Variants in PKHD1 observed in about 807,000 individuals in gnomAD.
PKHD1 encodes the protein PKHD1 ciliary IPT domain containing fibrocystin/polyductin, also known as fibrocystin.
A neutral mutation model predicts 412.0 loss-of-function variants in PKHD1; 291 were observed. That is an observed-to-expected ratio of 0.71 (90% CI 0.64 to 0.78). The LOEUF (loss-of-function observed/expected upper bound fraction) is 0.78. Ranked by LOEUF, PKHD1 falls within the 30% of genes least tolerant of loss-of-function variation. The probability of loss-of-function intolerance (pLI) is 0.00; values close to 1 mark genes in which losing one functional copy is unlikely to be tolerated. For synonymous variants in PKHD1, 1,777 were observed against 1,821.5 expected (o/e 0.98, Z 0.62); for missense variants, 4,825 against 4,950.7 (o/e 0.97, Z 0.76).
rs540526402 is a variant in PKHD1, at chr6:52,023,004, C to A, written c.5237-60G>T. The A allele has an allele frequency of 3.8e-6, 6 of 1,596,664 alleles. 1 individual carries two copies. The highest frequency in any genetic ancestry group is 3.3e-4 in the Middle Eastern group (2 of 6,050). ...AGGCAAATCTCCCTTCTTTACTCAACTCAAAATTCAAACATTTGCTTCCTC... is the reference window on the plus strand; with the variant it reads ...AGGCAAATCTCCCTTCTTTACTCAAATCAAAATTCAAACATTTGCTTCCTC... On this transcript the variant is annotated intron_variant, in intron 32 of 66. Coordinates refer to ENST00000371117, the MANE Select transcript of PKHD1 (RefSeq NM_138694.4).
At chr6:51,695,108 TGG>T (rs1778639784) in intron 60 of PKHD1, among the ~76,000 whole-genome samples, 1 of 152,162 alleles carries the variant, frequency 6.6e-6, no homozygotes, top group African/African-American at 2.4e-5. Flanking sequence ...TGAATAAAAA[TGG>T]ACTTAAAAGT....
intron 27 of PKHD1, among the ~76,000 whole-genome samples, chr6:52,040,703 T>TC (rs1804733274): frequency 6.6e-6 from 1 of 152,126 alleles, no homozygotes; most frequent in Non-Finnish European, 1.5e-5. Context: ...TGAACTGTCT[T>TC]CCCCAAGATT....
rs559042119 is a variant in PKHD1 at position 52,081,295 on chromosome 6, TA to T, written c.281+1096del. Among the ~76,000 whole-genome samples the T allele has an allele frequency of 2.9e-3, 436 of 152,274 alleles. 3 individuals carry two copies. Among genetic ancestry groups the T allele is most frequent in the African/African-American group, 0.01 (423 of 41,548 alleles). On this transcript the variant is annotated intron_variant, in intron 4 of 66. Coordinates refer to ENST00000371117, the MANE Select transcript of PKHD1 (RefSeq NM_138694.4). ...AATGTGCCATAAAATCTAAGGGAAA[TA>T]TATAACCCAGTTTTAAAACCAATAG...
At chr6:51,625,993 G>T (rs531935160) in intron 66 of PKHD1, among the ~76,000 whole-genome samples, 1 of 152,004 alleles carries the variant, frequency 6.6e-6, no homozygotes, top group Non-Finnish European at 1.5e-5. Flanking sequence ...CCAGGAACTG[G>T]AGTATGGCTA....
At chr6:51,811,894 T>A (rs1222158178) in intron 52 of PKHD1, among the ~76,000 whole-genome samples, 1 of 152,210 alleles carries the variant, frequency 6.6e-6, no homozygotes, top group Non-Finnish European at 1.5e-5. Context: ...GCTTTGTATA[T>A]TTTTACATTA....
chr6:51,845,301 G>T (rs1770945200), intron 50 of PKHD1, among the ~76,000 whole-genome samples: 1 of 152,202 alleles, frequency 6.6e-6, no homozygotes, highest in South Asian at 2.1e-4. Flanking sequence ...CACTGCCATG[G>T]AGGAGCAGGG....
intron 50 of PKHD1, among the ~76,000 whole-genome samples, chr6:51,839,950 TC>T (rs779512847): frequency 8.6e-5 from 13 of 151,972 alleles, no homozygotes; most frequent in Non-Finnish European, 1.9e-4. Flanking sequence ...GACTTCTCTT[TC>T]CGTCTCTGCC....
At chr6:51,677,705 T>A (rs936323157) in intron 60 of PKHD1, among the ~76,000 whole-genome samples, 10 of 152,166 alleles carry the variant, frequency 6.6e-5, no homozygotes, top group Admixed American at 6.5e-4. Context: ...TCAGGGAATA[T>A]CTCAAAATAT....
At chr6:51,746,922 T>C (rs746958488) in intron 58 of PKHD1, 33 bp from the exon 59 acceptor site, 12 of 1,270,312 alleles carry the variant, frequency 9.4e-6, no homozygotes, top group Non-Finnish European at 1.2e-5. Context: ...CATAATATTA[T>C]ATCATATAAA....
At chr6:51,831,244 T>C (rs1467438843) in intron 51 of PKHD1, among the ~76,000 whole-genome samples, 1 of 152,204 alleles carries the variant, frequency 6.6e-6, no homozygotes, top group African/African-American at 2.4e-5. Flanking sequence ...GGCATGCTTA[T>C]CATGAAATAT....
chr6:51,681,387 C>G (rs954344629), intron 60 of PKHD1, among the ~76,000 whole-genome samples: 1 of 151,988 alleles, frequency 6.6e-6, no homozygotes, highest in African/African-American at 2.4e-5. Context: ...TTTGGTTGAC[C>G]AACCACTGCT....
chr6:51,735,156 C>G (rs977936368), intron 60 of PKHD1, among the ~76,000 whole-genome samples: 1 of 152,150 alleles, frequency 6.6e-6, no homozygotes, highest in Admixed American at 6.5e-5. Flanking sequence ...AAATATATCT[C>G]TGTATAGAGT....
At chr6:51,744,274 T>A in intron 60 of PKHD1, 111 bp downstream of exon 60, 1 of 932,104 alleles carries the variant, frequency 1.1e-6, no homozygotes, top group Non-Finnish European at 1.8e-6. Flanking sequence ...ACTCCAACTC[T>A]AGAATTTAGG....
chr6:51,981,310 G>GCCCCTCCCC (rs1562045774), intron 35 of PKHD1, among the ~76,000 whole-genome samples: 1 of 12,910 alleles, frequency 7.7e-5, no homozygotes, highest in Non-Finnish European at 2.9e-4. Context: ...CAAAGCTCAA[G>GCCCCTCCCC]CTCTCCCTCT....
chr6:51,983,810 T>G (rs1166127803), intron 35 of PKHD1, among the ~76,000 whole-genome samples: 6 of 152,196 alleles, frequency 3.9e-5, no homozygotes, highest in South Asian at 2.1e-4. Flanking sequence ...GCACCACCCA[T>G]GAAGTCAACT....
intron 46 of PKHD1, among the ~76,000 whole-genome samples, chr6:51,882,051 C>T (rs946815919): frequency 2.0e-5 from 3 of 152,164 alleles, no homozygotes; most frequent in Non-Finnish European, 4.4e-5. Context: ...AATTAAGATA[C>T]TGCAACATTA....
chr6:52,078,197 C>A (rs187525447), intron 5 of PKHD1, among the ~76,000 whole-genome samples: 1 of 152,122 alleles, frequency 6.6e-6, no homozygotes, highest in South Asian at 2.1e-4. Flanking sequence ...AAGGGCTTCA[C>A]TTGTGATTCT....
chr6:51,783,747 G>T (rs1160619), intron 53 of PKHD1, among the ~76,000 whole-genome samples: 89,114 of 151,938 alleles, frequency 0.59, 26,887 homozygotes, highest in East Asian at 0.83. Context: ...AGCTTTGAGT[G>T]GGGGACATTT....
intron 49 of PKHD1, among the ~76,000 whole-genome samples, chr6:51,852,367 T>G (rs1249046627): frequency 6.6e-6 from 1 of 152,208 alleles, no homozygotes; most frequent in African/African-American, 2.4e-5. Context: ...CTGAGAAGAA[T>G]GTATATTCTG....
Sources: allele counts gnomAD v4.1 joint callset (sites outside exome capture counted in the v4.1 genomes callset), GRCh38; gene constraint gnomAD v4.1.1; transcripts MANE v1.5; gene names NCBI Gene and HGNC (gene_info 2026-07-23, HGNC 2026-07-21).